SLC2A13: variants seen among roughly 807,000 people sequenced by gnomAD.
The protein encoded by SLC2A13 is proton myo-inositol cotransporter.
A neutral mutation model predicts 64.4 loss-of-function variants in SLC2A13; 32 were observed. That is an observed-to-expected ratio of 0.50 (90% confidence interval 0.37 to 0.67). SLC2A13 has a LOEUF of 0.67. Among genes scored for constraint, SLC2A13 ranks in the 30% least tolerant of loss-of-function variants. The pLI is 0.00. For missense variants in SLC2A13, 743 were observed against 829.2 expected (o/e 0.90, Z 1.28); for synonymous variants, 338 against 327.1 (o/e 1.03, Z -0.36).
Position 39,896,280 on chromosome 12 carries a change from ATG to A in SLC2A13, c.1035-24321_1035-24320del, listed in dbSNP as rs1565527759. Among the ~76,000 whole-genome samples, 115 of 94,690 alleles carry A rather than the reference ATG, an allele frequency of 1.2e-3. 4 individuals carry two copies. Among genetic ancestry groups the A allele is most frequent in the African/African-American group, 3.6e-3 (94 of 25,994 alleles). 62.1% of individuals were successfully genotyped at this position (94,690 alleles called of 152,430 possible). A position where few individuals can be genotyped will look rare whatever the true frequency, so the allele number is the denominator to read the frequency against. Reference sequence around the variant, plus strand: ...TGTATATGTGTGTATATATGTATACATGTATGTATATGTGTGTATATATGTAT... The same window carrying A: ...TGTATATGTGTGTATATATGTATACATATGTATATGTGTGTATATATGTAT... On this transcript the variant is annotated intron_variant, in intron 4 of 9. Transcript: ENST00000280871.
At chr12:39,857,682 T>C (rs925013368) in intron 6 of SLC2A13, among the ~76,000 whole-genome samples, 1 of 152,232 alleles carries the variant, frequency 6.6e-6, no homozygotes, top group Non-Finnish European at 1.5e-5. Context: ...CTCAGTATTC[T>C]AAGATAATGT....
intron 4 of SLC2A13, among the ~76,000 whole-genome samples, chr12:39,896,576 G>GTA (rs34981555): frequency 0.29 from 28,252 of 97,526 alleles, 3,031 homozygotes; most frequent in East Asian, 0.46. Context: ...ATGTATGTAT[G>GTA]TGTGTATATA....
chr12:39,838,106 C>G (rs9668171), intron 6 of SLC2A13, among the ~76,000 whole-genome samples: 2,756 of 145,692 alleles, frequency 0.019, 31 homozygotes, highest in African/African-American at 0.035. Flanking sequence ...GTCCAACAAT[C>G]ATAGACTGGA....
intron 4 of SLC2A13, among the ~76,000 whole-genome samples, chr12:39,901,822 C>T (rs1245467414): frequency 4.1e-5 from 6 of 144,856 alleles, no homozygotes; most frequent in African/African-American, 1.5e-4. Context: ...TACCATTTGA[C>T]CCAGCCATCC....
chr12:39,958,070 T>C (rs1353594), intron 3 of SLC2A13, among the ~76,000 whole-genome samples: 150,245 of 152,352 alleles, frequency 0.99, 74,125 homozygotes, highest in Middle Eastern at 1. Context: ...CAAACTTGTT[T>C]TTTACCCCAT....
chr12:39,836,499 C>T (rs887826606), intron 6 of SLC2A13, among the ~76,000 whole-genome samples: 1 of 151,688 alleles, frequency 6.6e-6, no homozygotes, highest in Admixed American at 6.6e-5. Flanking sequence ...GGCAATTAGG[C>T]AGGAGAAGGA....
intron 1 of SLC2A13, among the ~76,000 whole-genome samples, chr12:40,066,651 AAC>A (rs1362043521): frequency 6.6e-6 from 1 of 152,208 alleles, no homozygotes; most frequent in Non-Finnish European, 1.5e-5. Context: ...AGTTAATAAA[AAC>A]ACATAATTAT....
At chr12:39,989,157 G>T (rs1001244890) in intron 3 of SLC2A13, among the ~76,000 whole-genome samples, 18 of 151,978 alleles carry the variant, frequency 1.2e-4, no homozygotes, top group African/African-American at 3.4e-4. Flanking sequence ...ACATAATCTG[G>T]TCTTCTGCCC....
intron 6 of SLC2A13, among the ~76,000 whole-genome samples, chr12:39,857,562 T>C (rs752645460): frequency 1.3e-5 from 2 of 152,202 alleles, no homozygotes; most frequent in Non-Finnish European, 2.9e-5. Context: ...CTTTCTCCCT[T>C]CATCACCATT....
intron 7 of SLC2A13, among the ~76,000 whole-genome samples, chr12:39,783,181 C>T (rs1941059087): frequency 6.6e-6 from 1 of 152,154 alleles, no homozygotes; most frequent in South Asian, 2.1e-4. Context: ...TCATCCATGT[C>T]CCTACGAAGG....
At chr12:39,794,394 T>C (rs1020725861) in intron 7 of SLC2A13, among the ~76,000 whole-genome samples, 4 of 152,228 alleles carry the variant, frequency 2.6e-5, no homozygotes, top group Non-Finnish European at 1.5e-5. Flanking sequence ...TTAAATTACA[T>C]TTGGCCTAGA....
chr12:40,045,094 C>T (rs886893898), intron 2 of SLC2A13, among the ~76,000 whole-genome samples: 9 of 152,064 alleles, frequency 5.9e-5, no homozygotes, highest in Admixed American at 3.3e-4. Context: ...TGCTACCAGA[C>T]GCTGAAACTG....
intron 6 of SLC2A13, among the ~76,000 whole-genome samples, chr12:39,832,477 T>A (rs4531537): frequency 0.62 from 93,851 of 151,892 alleles, 29,172 homozygotes; most frequent in East Asian, 0.77. Context: ...TGTGTGTGCA[T>A]TTCAGGCATA....
chr12:40,036,455 T>C (rs1947985880), intron 2 of SLC2A13, among the ~76,000 whole-genome samples: 1 of 152,232 alleles, frequency 6.6e-6, no homozygotes, highest in Admixed American at 6.5e-5. Context: ...CAGGAAGTTC[T>C]GTCGTACCCC....
At chr12:40,034,902 G>A (rs943665215) in intron 2 of SLC2A13, among the ~76,000 whole-genome samples, 1 of 152,086 alleles carries the variant, frequency 6.6e-6, no homozygotes, top group Non-Finnish European at 1.5e-5. Context: ...AATATCTCCT[G>A]AATGTATGTT....
At chr12:40,100,976 A>AAG (rs1939129864) in intron 1 of SLC2A13, among the ~76,000 whole-genome samples, 1 of 151,128 alleles carries the variant, frequency 6.6e-6, no homozygotes, top group African/African-American at 2.4e-5. Context: ...AGACAAAAAA[A>AAG]AAAAAAAAAA....
Position 39,764,829 on chromosome 12 carries a change from TCTG to T in SLC2A13, c.1472_1474del (p.Thr491_Glu492delinsLys). On this transcript the variant is annotated inframe_deletion, in exon 8 of 10. Coordinates refer to ENST00000280871, the MANE Select transcript of SLC2A13 (RefSeq NM_052885.4). Reference sequence around the variant, plus strand: ...GAAATTGTAAGCCCAAAATATATCTTCTGTTTTGAACTTGGTTTCATTTTCACA... The same window carrying T: ...GAAATTGTAAGCCCAAAATATATCTTTTTTGAACTTGGTTTCATTTTCACA... 1 of 1,612,428 alleles carries T rather than the reference TCTG, an allele frequency of 6.2e-7. No homozygotes were observed. Among genetic ancestry groups the T allele is most frequent in the East Asian group, 2.2e-5 (1 of 44,790 alleles).
chr12:39,783,946 G>A (rs1392584054), intron 7 of SLC2A13, among the ~76,000 whole-genome samples: 1 of 152,140 alleles, frequency 6.6e-6, no homozygotes, highest in Non-Finnish European at 1.5e-5. Flanking sequence ...CAAACAGAGA[G>A]CCAAATCATG....
In SLC2A13 at chr12:39,830,213, A is replaced by G; in HGVS notation, c.1335T>C (p.Cys445=). The change falls in exon 7 of 10, where the codon TGT becomes TGC. Residue 445 remains cysteine (C), a synonymous_variant. Coordinates refer to ENST00000280871, the MANE Select transcript of SLC2A13 (RefSeq NM_052885.4). ...TCTRYSYCNE[C]MLDPDCGFCY... ...AGAAACCGCAGTCTGGATCCAACATACATTCATTACAGTAACTGAAAAATG... is the reference window on the plus strand; with the variant it reads ...AGAAACCGCAGTCTGGATCCAACATGCATTCATTACAGTAACTGAAAAATG... 1 of 1,613,132 alleles carries G rather than the reference A, an allele frequency of 6.2e-7. No individual in the cohort carries two copies. The highest frequency in any genetic ancestry group is 8.5e-7 in the Non-Finnish European group (1 of 1,179,392).
Sources: allele counts gnomAD v4.1 joint callset (sites outside exome capture counted in the v4.1 genomes callset), GRCh38; gene constraint gnomAD v4.1.1; transcripts MANE v1.5; gene names NCBI Gene and HGNC (gene_info 2026-07-23, HGNC 2026-07-21).